The following HDAC9 variants were observed in gnomAD, a reference collection of about 807,000 sequenced individuals.
The protein encoded by HDAC9 is histone deacetylase 9, also known as MEF-2 interacting transcription repressor (MITR) protein.
HDAC9 carries 41 observed loss-of-function variants against 139.4 expected under a neutral mutation model. The observed-to-expected ratio is 0.29, with a 90% CI of 0.23 to 0.38. HDAC9 has a LOEUF of 0.38. Ranked by LOEUF, HDAC9 falls within the 10% of genes least tolerant of loss-of-function variation. HDAC9 has a pLI of 1.00. For synonymous variants in HDAC9, 517 were observed against 476.2 expected (o/e 1.09, Z -1.12); for missense variants, 1,147 against 1,297.0 (o/e 0.88, Z 1.78).
chr7:18,920,673 T>C, intron 22 of HDAC9, among the ~76,000 whole-genome samples: 1 of 152,180 alleles, frequency 6.6e-6, no homozygotes, highest in East Asian at 1.9e-4. Context: ...GTCCCATCAA[T>C]ACCTAATTTA....
At chr7:18,158,440 T>C (rs947566132) in intron 1 of HDAC9, among the ~76,000 whole-genome samples, 20 of 152,168 alleles carry the variant, frequency 1.3e-4, no homozygotes, top group Non-Finnish European at 2.4e-4. Context: ...AATGAGTAGA[T>C]AGGCAATGTC....
intron 2 of HDAC9, among the ~76,000 whole-genome samples, chr7:18,539,020 A>G (rs1016509719): frequency 2.6e-5 from 4 of 152,158 alleles, no homozygotes; most frequent in African/African-American, 9.7e-5. Context: ...AAGTTCCACC[A>G]TGGGGCCTCT....
intron 1 of HDAC9, among the ~76,000 whole-genome samples, chr7:18,389,754 C>T (rs1260496528): frequency 6.6e-6 from 1 of 151,904 alleles, no homozygotes; most frequent in Non-Finnish European, 1.5e-5. Context: ...GATAAGGGAC[C>T]AAAATATGGA....
At position 18,509,855 on chromosome 7, in the gene HDAC9, A is replaced by G. The variant is rs1334864287; in HGVS notation, c.22+13531A>G. ...ACTGTGACTGTGTATGTGTGTCCTCATCCCCCCAATTAGTTATATTATAAG... is the reference window on the plus strand; with the variant it reads ...ACTGTGACTGTGTATGTGTGTCCTCGTCCCCCCAATTAGTTATATTATAAG... On this transcript the variant is annotated intron_variant, in intron 2 of 25. Transcript: ENST00000686413. Among the ~76,000 whole-genome samples the G allele has an allele frequency of 4.6e-5, 7 of 151,972 alleles. 1 individual carries two copies. The South Asian group carries it at 1.2e-3, about 27-fold the overall frequency.
At chr7:18,949,025 G>A in intron 23 of HDAC9, 1 of 411,014 alleles carries the variant, frequency 2.4e-6, no homozygotes, top group Non-Finnish European at 4.7e-6. Context: ...TTGTGTACTT[G>A]CTTGCATTTT....
intron 2 of HDAC9, among the ~76,000 whole-genome samples, chr7:18,229,878 A>T (rs1413535243): frequency 6.6e-6 from 1 of 152,198 alleles, no homozygotes; most frequent in Admixed American, 6.5e-5. Context: ...ATTTTAAACC[A>T]GAAGCCTATT....
chr7:18,392,518 G>A (rs903515310), intron 1 of HDAC9, among the ~76,000 whole-genome samples: 5 of 151,890 alleles, frequency 3.3e-5, no homozygotes, highest in African/African-American at 7.3e-5. Flanking sequence ...AAATGCAAAC[G>A]TGATATTCTT....
At chr7:18,385,743 C>A (rs1785862848) in intron 1 of HDAC9, among the ~76,000 whole-genome samples, 1 of 152,132 alleles carries the variant, frequency 6.6e-6, no homozygotes, top group South Asian at 2.1e-4. Context: ...GCAAAACAAA[C>A]CCAATGCACT....
At chr7:18,506,276 A>G (rs1338068978) in intron 2 of HDAC9, among the ~76,000 whole-genome samples, 2 of 152,236 alleles carry the variant, frequency 1.3e-5, no homozygotes, top group East Asian at 3.9e-4. Flanking sequence ...TGCTTATGGA[A>G]AGGCAAAGAG....
chr7:18,843,389 A>G (rs190518872), intron 21 of HDAC9, among the ~76,000 whole-genome samples: 9 of 152,224 alleles, frequency 5.9e-5, no homozygotes, highest in Admixed American at 5.2e-4. Flanking sequence ...ACTGTCAAGG[A>G]GCTTACGTCA....
chr7:18,265,104 G>T (rs530799637), intron 2 of HDAC9, among the ~76,000 whole-genome samples: 1 of 152,198 alleles, frequency 6.6e-6, no homozygotes, highest in East Asian at 1.9e-4. Flanking sequence ...GAATGGAAAG[G>T]ACTTTTATTA....
At chr7:18,846,567 A>G (rs1796920465) in intron 21 of HDAC9, among the ~76,000 whole-genome samples, 1 of 152,242 alleles carries the variant, frequency 6.6e-6, no homozygotes, top group Non-Finnish European at 1.5e-5. Flanking sequence ...TGGCTGGTTT[A>G]TAAACTGTCA....
chr7:18,530,954 G>A (rs1023828031), intron 2 of HDAC9, among the ~76,000 whole-genome samples: 1 of 151,768 alleles, frequency 6.6e-6, no homozygotes, highest in Non-Finnish European at 1.5e-5. Flanking sequence ...AGCCCGACTC[G>A]TTTCAGTACT....
At chr7:18,677,942 T>A (rs73313333) in intron 12 of HDAC9, among the ~76,000 whole-genome samples, 31,610 of 151,714 alleles carry the variant, frequency 0.21, 5,275 homozygotes, top group African/African-American at 0.46. Flanking sequence ...TTCCTCCAGT[T>A]TAAACATTTA....
chr7:18,837,177 T>C (rs1041214060), intron 21 of HDAC9, among the ~76,000 whole-genome samples: 7 of 151,252 alleles, frequency 4.6e-5, no homozygotes, highest in Non-Finnish European at 7.4e-5. Flanking sequence ...CAAAGGAAAA[T>C]TCTACCCACA....
chr7:18,509,270 A>T (rs1175223471), intron 2 of HDAC9: 2 of 984,966 alleles, frequency 2.0e-6, no homozygotes, highest in Admixed American at 1.2e-4. Flanking sequence ...GAGCTATTTT[A>T]ATCTCCACTT....
chr7:18,175,108 C>T (rs1219414647), intron 2 of HDAC9, among the ~76,000 whole-genome samples: 1 of 152,180 alleles, frequency 6.6e-6, no homozygotes, highest in Non-Finnish European at 1.5e-5. Flanking sequence ...GTGGTGGGCT[C>T]CACCTAATTC....
chr7:18,146,500 T>G (rs1335487198), intron 1 of HDAC9, among the ~76,000 whole-genome samples: 1 of 152,134 alleles, frequency 6.6e-6, no homozygotes, highest in Non-Finnish European at 1.5e-5. Flanking sequence ...TTTGGCAGCA[T>G]AGGTATTAAG....
intron 1 of HDAC9, among the ~76,000 whole-genome samples, chr7:18,308,503 C>T (rs1485550096): frequency 3.3e-5 from 5 of 152,010 alleles, no homozygotes; most frequent in Non-Finnish European, 5.9e-5. Context: ...GCATTTAGTA[C>T]GTGGTATTGG....
Sources: allele counts gnomAD v4.1 joint callset (sites outside exome capture counted in the v4.1 genomes callset), GRCh38; gene constraint gnomAD v4.1.1; transcripts MANE v1.5; gene names NCBI Gene and HGNC (gene_info 2026-07-23, HGNC 2026-07-21).